CADM1: variants seen among roughly 807,000 people sequenced by gnomAD.
The protein encoded by CADM1 is TSLC-1.
In CADM1, 15 loss-of-function variants were observed where a neutral mutation model predicts 53.1. That is an observed-to-expected ratio of 0.28 (90% CI 0.19 to 0.44). CADM1 has a LOEUF of 0.44. Ranked by LOEUF, CADM1 falls within the 20% of genes least tolerant of loss-of-function variation. The pLI is 1.00. For synonymous variants in CADM1, 281 were observed against 243.0 expected, an observed-to-expected ratio of 1.16 and a Z score of -1.45; for missense variants, 434 against 611.3, an observed-to-expected ratio of 0.71 and a Z score of 3.06.
intron 1 of CADM1, among the ~76,000 whole-genome samples, chr11:115,433,018 C>A (rs915689369): frequency 1.3e-5 from 2 of 152,176 alleles, no homozygotes; most frequent in Non-Finnish European, 2.9e-5. Flanking sequence ...TTACCAACAT[C>A]CAACTTGTCA....
intron 5 of CADM1, among the ~76,000 whole-genome samples, chr11:115,228,403 T>C (rs1239792292): frequency 6.6e-6 from 1 of 152,222 alleles, no homozygotes; most frequent in Non-Finnish European, 1.5e-5. Context: ...TCTGGTAACA[T>C]TTCAGTATGC....
At chr11:115,501,001 T>C (rs1591310805) in intron 1 of CADM1, among the ~76,000 whole-genome samples, 2 of 152,238 alleles carry the variant, frequency 1.3e-5, no homozygotes, top group African/African-American at 4.8e-5. Context: ...GGATAAAGCA[T>C]GTACAACATC....
At chr11:115,355,882 A>G (rs1410341672) in intron 1 of CADM1, among the ~76,000 whole-genome samples, 1 of 152,104 alleles carries the variant, frequency 6.6e-6, no homozygotes, top group African/African-American at 2.4e-5. Context: ...CCCAGGCTGG[A>G]GTACAAGTGG....
rs1470479397 is a variant in CADM1, at chr11:115,176,199, A to T, written c.*275T>A. On this transcript the variant is annotated 3_prime_UTR_variant, in exon 12 of 12. Transcript: ENST00000331581. Reference sequence around the variant, plus strand: ...CAAGGCACAGAATTTTCTGCAATCTACTGAAACTAAATCCAAGTATCCAAG... The same window carrying T: ...CAAGGCACAGAATTTTCTGCAATCTTCTGAAACTAAATCCAAGTATCCAAG... 8.2e-7 allele frequency: 1 copy of T among 1,214,588 alleles called. No homozygotes were observed. The highest frequency in any genetic ancestry group is 1.0e-6 in the Non-Finnish European group (1 of 961,404). The allele number at this position is 1,214,588 out of a possible 1,614,324, so 75.2% of individuals were successfully genotyped here.
At chr11:115,295,507 TATATATATA>T (rs1469275860) in intron 1 of CADM1, among the ~76,000 whole-genome samples, 1 of 15,764 alleles carries the variant, frequency 6.3e-5, no homozygotes, top group South Asian at 3.3e-3. Context: ...CAAGATATTT[TATATATATA>T]TATATATATA....
chr11:115,502,390 G>T (rs529717341), intron 1 of CADM1, among the ~76,000 whole-genome samples: 1 of 108,690 alleles, frequency 9.2e-6, no homozygotes, highest in East Asian at 2.7e-4. Context: ...CCTCTATTAT[G>T]CGCCAGTTAC....
At chr11:115,324,286 C>T (rs1267818054) in intron 1 of CADM1, among the ~76,000 whole-genome samples, 1 of 152,160 alleles carries the variant, frequency 6.6e-6, no homozygotes, top group Non-Finnish European at 1.5e-5. Flanking sequence ...CTTGAACTTT[C>T]TTTGCTATGT....
intron 1 of CADM1, among the ~76,000 whole-genome samples, chr11:115,497,953 T>C (rs576047630): frequency 3.5e-5 from 5 of 143,302 alleles, no homozygotes; most frequent in African/African-American, 7.8e-5. Flanking sequence ...CCATATTTAA[T>C]GAAATTTTTG....
At chr11:115,250,492 A>C (rs1267262197) in intron 1 of CADM1, among the ~76,000 whole-genome samples, 1 of 152,214 alleles carries the variant, frequency 6.6e-6, no homozygotes, top group Admixed American at 6.5e-5. Flanking sequence ...AACGGGTAAC[A>C]ATAATTACTA....
chr11:115,272,909 T>A (rs751720785), intron 1 of CADM1, among the ~76,000 whole-genome samples: 10 of 150,744 alleles, frequency 6.6e-5, no homozygotes, highest in South Asian at 4.2e-4. Flanking sequence ...TAAAAAAATT[T>A]AAAAAAAAAG....
chr11:115,216,144 G>A (rs1360808235), intron 6 of CADM1, among the ~76,000 whole-genome samples: 1 of 152,098 alleles, frequency 6.6e-6, no homozygotes, highest in Non-Finnish European at 1.5e-5. Flanking sequence ...AACATTTAAT[G>A]GCAAGTTAAA....
intron 1 of CADM1, among the ~76,000 whole-genome samples, chr11:115,455,976 T>C (rs1948675623): frequency 1.3e-5 from 2 of 152,154 alleles, no homozygotes; most frequent in African/African-American, 4.8e-5. Flanking sequence ...ACAACTGGCA[T>C]AGTGGCACAG....
At chr11:115,486,071 C>T (rs569379788) in intron 1 of CADM1, among the ~76,000 whole-genome samples, 1 of 152,122 alleles carries the variant, frequency 6.6e-6, no homozygotes, top group Non-Finnish European at 1.5e-5. Flanking sequence ...TCCCTCAATC[C>T]CCATTCTCTA....
rs1354388814 is a variant in CADM1, at chr11:115,396,925, T to A, written c.124+107346A>T. On this transcript the variant is annotated intron_variant, in intron 1 of 11. Coordinates refer to ENST00000331581, the MANE Select transcript of CADM1 (RefSeq NM_001301043.2). ...AAACCTTAGCATTATTTTAATGTACTGTGCTGTATTTAATAATCTTATGCT... is the reference window on the plus strand; with the variant it reads ...AAACCTTAGCATTATTTTAATGTACAGTGCTGTATTTAATAATCTTATGCT... The A allele has an allele frequency of 5.9e-5, 9 of 152,260 alleles. No homozygotes were observed. In the East Asian group the frequency reaches 1.7e-3, roughly 29 times the overall value. The allele number at this position is 152,260 out of a possible 1,614,324, so 9.4% of individuals were successfully genotyped here. A position where few individuals can be genotyped will look rare whatever the true frequency, so the allele number is the denominator to read the frequency against.
At position 115,174,404 on chromosome 11, in the gene CADM1, G is replaced by A. The variant is rs1188152731; in HGVS notation, c.*2070C>T. The A allele has an allele frequency of 9.1e-6, 9 of 985,510 alleles. No individual in the cohort carries two copies. The highest frequency in any genetic ancestry group is 8.7e-5 in the African/African-American group (5 of 57,234). The allele number at this position is 985,510 out of a possible 1,614,324, so 61.0% of individuals were successfully genotyped here. A position where few individuals can be genotyped will look rare whatever the true frequency, so the allele number is the denominator to read the frequency against. On this transcript the variant is annotated 3_prime_UTR_variant, in exon 12 of 12. Transcript: ENST00000331581. ...TGGTCGGAATGGGTGCTAAGGGCTC[G>A]GAATAGAGCTGCAGATTATAAAATT...
intron 8 of CADM1, among the ~76,000 whole-genome samples, chr11:115,205,084 G>A (rs1940613974): frequency 6.6e-6 from 1 of 152,094 alleles, no homozygotes; most frequent in African/African-American, 2.4e-5. Context: ...TTCTAAGGTG[G>A]TTTTAATTTT....
intron 1 of CADM1, among the ~76,000 whole-genome samples, chr11:115,492,195 T>G (rs562752609): frequency 6.6e-6 from 1 of 152,118 alleles, no homozygotes; most frequent in Non-Finnish European, 1.5e-5. Flanking sequence ...AACCTAGGAT[T>G]TGTCAAATAA....
At chr11:115,452,889 T>A (rs963677123) in intron 1 of CADM1, among the ~76,000 whole-genome samples, 1 of 151,786 alleles carries the variant, frequency 6.6e-6, no homozygotes, top group African/African-American at 2.4e-5. Flanking sequence ...AGGGTGGGAG[T>A]GATTGACATG....
chr11:115,375,231 TTG>T (rs1448144880), intron 1 of CADM1, among the ~76,000 whole-genome samples: 4 of 152,172 alleles, frequency 2.6e-5, no homozygotes, highest in African/African-American at 7.2e-5. Context: ...CCCTCTGCTT[TTG>T]TGTGTTTGAC....
Sources: gnomAD v4.1 joint callset for allele counts (sites outside exome capture counted in the v4.1 genomes callset) on GRCh38, gnomAD v4.1.1 for gene constraint, MANE v1.5 for transcripts, NCBI Gene and HGNC (gene_info 2026-07-23, HGNC 2026-07-21) for gene names.